The following NMBR variants were observed in gnomAD, a reference collection of about 807,000 sequenced individuals.
NMBR encodes the protein neuromedin-B receptor.
NMBR carries 16 observed loss-of-function variants against 20.5 expected under a neutral mutation model. That is an observed-to-expected ratio of 0.78 (90% confidence interval 0.53 to 1.19). The LOEUF (loss-of-function observed/expected upper bound fraction) is 1.19. Ranked by LOEUF, NMBR falls within the 50% of genes most tolerant of loss-of-function variation. The pLI is 0.00. For synonymous variants in NMBR, 212 were observed against 196.6 expected (o/e 1.08, Z -0.65); for missense variants, 582 against 499.1 (o/e 1.17, Z -1.58).
At chr6:142,094,617 T>C (rs1777407269) in intron 1 of NMBR, among the ~76,000 whole-genome samples, 2 of 152,200 alleles carry the variant, frequency 1.3e-5, no homozygotes, top group Admixed American at 6.5e-5. Context: ...TGGCTTAGGA[T>C]TGACTTGGCT....
At chr6:142,102,076 G>A (rs901047178) in intron 1 of NMBR, among the ~76,000 whole-genome samples, 1 of 152,104 alleles carries the variant, frequency 6.6e-6, no homozygotes, top group African/African-American at 2.4e-5. Flanking sequence ...CAATCAAACA[G>A]ATCACAGAAT....
intron 1 of NMBR, among the ~76,000 whole-genome samples, chr6:142,110,550 TAGAA>T (rs1777744576): frequency 1.3e-5 from 2 of 152,126 alleles, no homozygotes; most frequent in Non-Finnish European, 2.9e-5. Flanking sequence ...TCTAGAGAGA[TAGAA>T]AGATTAGTGG....
At chr6:142,130,449 T>C (rs225603) in intron 1 of NMBR, among the ~76,000 whole-genome samples, 53,923 of 151,980 alleles carry the variant, frequency 0.35, 10,774 homozygotes, top group Middle Eastern at 0.52. Context: ...GACTAATGAC[T>C]ATCTCAATTA....
chr6:142,133,996 C>G (rs1223614705), intron 1 of NMBR: 1 of 702,244 alleles, frequency 1.4e-6, no homozygotes, highest in Non-Finnish European at 2.6e-6. Flanking sequence ...AAGTAAACCT[C>G]TTCTGTTACA....
At chr6:142,137,928 T>TA (rs1386290429) in intron 1 of NMBR, among the ~76,000 whole-genome samples, 1 of 151,606 alleles carries the variant, frequency 6.6e-6, no homozygotes, top group Non-Finnish European at 1.5e-5. Context: ...ACCAAATAAA[T>TA]AAAAAATGCT....
chr6:142,078,920 T>A lies in NMBR; in HGVS notation c.423-17A>T. 3 of 1,421,208 alleles carry A rather than the reference T, an allele frequency of 2.1e-6. No individual in the cohort carries two copies. The highest frequency in any genetic ancestry group is 1.5e-5 in the South Asian group (1 of 65,532). 88.0% of individuals were successfully genotyped at this position (1,421,208 alleles called of 1,614,324 possible). The stretch of plus-strand genomic sequence containing the variant: ...GCTCTGTACCTGGGAAAATGATACA[T>A]CTCAAGTTATTCCAGAAAGAAAGGA... On this transcript the variant is annotated splice_polypyrimidine_tract_variant and intron_variant, in intron 2 of 3. Coordinates refer to ENST00000258042, the MANE Select transcript of NMBR (RefSeq NM_002511.4).
intron 1 of NMBR, among the ~76,000 whole-genome samples, chr6:142,143,321 G>T (rs1778385510): frequency 6.6e-6 from 1 of 152,158 alleles, no homozygotes; most frequent in African/African-American, 2.4e-5. Context: ...GTCTCGCTCT[G>T]TCGCCCAGGC....
intron 1 of NMBR, among the ~76,000 whole-genome samples, chr6:142,115,030 TTGAG>T (rs766104797): frequency 2.0e-5 from 3 of 152,132 alleles, no homozygotes; most frequent in Non-Finnish European, 4.4e-5. Context: ...TCTGCAAAGA[TTGAG>T]AGAGACTTTT....
At chr6:142,085,312 T>C (rs1777179540) in intron 2 of NMBR, among the ~76,000 whole-genome samples, 1 of 152,112 alleles carries the variant, frequency 6.6e-6, no homozygotes, top group Non-Finnish European at 1.5e-5. Context: ...TCGCTTGAGG[T>C]CAGCAGTTCG....
chr6:142,100,959 A>C (rs1371024357), intron 1 of NMBR, among the ~76,000 whole-genome samples: 2 of 152,244 alleles, frequency 1.3e-5, no homozygotes, highest in Non-Finnish European at 2.9e-5. Context: ...AAAGAGAATT[A>C]TTAGCCAAAT....
chr6:142,134,915 G>C (rs763113641), intron 1 of NMBR: 3 of 553,236 alleles, frequency 5.4e-6, no homozygotes, highest in Non-Finnish European at 9.5e-6. Flanking sequence ...TTTCCATTCA[G>C]ACAATGACCA....
At chr6:142,081,288 A>G (rs1777089658) in intron 2 of NMBR, among the ~76,000 whole-genome samples, 1 of 152,184 alleles carries the variant, frequency 6.6e-6, no homozygotes, top group African/African-American at 2.4e-5. Context: ...TTTGGCCAAC[A>G]TAAACATTAT....
chr6:142,092,572 T>A (rs1777345410), intron 1 of NMBR, among the ~76,000 whole-genome samples: 1 of 152,108 alleles, frequency 6.6e-6, no homozygotes, highest in Non-Finnish European at 1.5e-5. Context: ...ACAAAACATA[T>A]TAAACAGTAG....
intron 1 of NMBR, among the ~76,000 whole-genome samples, chr6:142,099,374 T>TA (rs1190334034): frequency 6.6e-6 from 1 of 152,122 alleles, no homozygotes; most frequent in East Asian, 1.9e-4. Context: ...TCAGGAAACT[T>TA]ACAATCATGT....
At chr6:142,114,036 G>T (rs1777812806) in intron 1 of NMBR, among the ~76,000 whole-genome samples, 1 of 152,068 alleles carries the variant, frequency 6.6e-6, no homozygotes, top group Admixed American at 6.6e-5. Flanking sequence ...GGGTTTCTCA[G>T]CATGAAGAGC....
At chr6:142,103,730 A>G (rs1241354827) in intron 1 of NMBR, among the ~76,000 whole-genome samples, 1 of 152,170 alleles carries the variant, frequency 6.6e-6, no homozygotes, top group East Asian at 1.9e-4. Context: ...GTTTATTCAA[A>G]TTGTATATCT....
At chr6:142,137,345 T>C (rs1778279223) in intron 1 of NMBR, among the ~76,000 whole-genome samples, 1 of 152,200 alleles carries the variant, frequency 6.6e-6, no homozygotes, top group Non-Finnish European at 1.5e-5. Flanking sequence ...ACATTGATTT[T>C]GTATCCTGAG....
intron 1 of NMBR, among the ~76,000 whole-genome samples, chr6:142,131,736 A>G (rs1778146751): frequency 6.6e-6 from 1 of 152,162 alleles, no homozygotes; most frequent in Non-Finnish European, 1.5e-5. Context: ...GCCCTCATAG[A>G]TCTCAGCAAT....
At chr6:142,095,129 T>C (rs935970763) in intron 1 of NMBR, among the ~76,000 whole-genome samples, 4 of 152,176 alleles carry the variant, frequency 2.6e-5, no homozygotes, top group African/African-American at 9.6e-5. Flanking sequence ...CTTTTCCTAA[T>C]TGAATACCCT....
Sources: gnomAD v4.1 joint callset for allele counts (sites outside exome capture counted in the v4.1 genomes callset) on GRCh38, gnomAD v4.1.1 for gene constraint, MANE v1.5 for transcripts, NCBI Gene and HGNC (gene_info 2026-07-23, HGNC 2026-07-21) for gene names.